The following DEAF1 variants were observed in gnomAD, a reference collection of about 807,000 sequenced individuals.
DEAF1 encodes the protein deformed epidermal autoregulatory factor 1 homolog.
DEAF1 carries 53 observed loss-of-function variants against 58.9 expected under a neutral mutation model. That is an observed-to-expected ratio of 0.90 (90% CI 0.72 to 1.13). The LOEUF (loss-of-function observed/expected upper bound fraction) is 1.13. DEAF1 is among the 50% of genes most tolerant of loss of function. The pLI is 0.00. For synonymous variants in DEAF1, 385 were observed against 340.4 expected (o/e 1.13, Z -1.44); for missense variants, 685 against 791.4 (o/e 0.87, Z 1.61).
upstream of DEAF1, chr11:699,045 A>T: frequency 1.2e-6 from 1 of 862,018 alleles, no homozygotes; most frequent in East Asian, 2.6e-5. Context: ...GAGTTGATGT[A>T]ACTTCCTCGG....
At position 675,815 on chromosome 11, in the gene DEAF1, A is replaced by C. The variant is rs569138275; in HGVS notation, c.1256-1032T>G. The stretch of plus-strand genomic sequence containing the variant: ...AGCCTGGGTGACAGAGTGAGACTCC[A>C]TCTCAAAAAAGAAAAGAAAAGAAAA... On this transcript the variant is annotated intron_variant, in intron 9 of 11. Coordinates refer to ENST00000382409, the MANE Select transcript of DEAF1 (RefSeq NM_021008.4). Among the ~76,000 whole-genome samples the C allele has an allele frequency of 1.0e-3, 158 of 152,140 alleles. 1 individual carries two copies. Among genetic ancestry groups the C allele is most frequent in the African/African-American group, 3.5e-3 (144 of 41,480 alleles).
chr11:663,981 G>T (rs113539733), intron 10 of DEAF1, among the ~76,000 whole-genome samples: 1 of 152,226 alleles, frequency 6.6e-6, no homozygotes, highest in African/African-American at 2.4e-5. Flanking sequence ...GGGAGGCTGA[G>T]GTGGGCGGAT....
intron 1 of DEAF1, chr11:701,097 C>T (rs894710748): frequency 1.2e-4 from 29 of 238,380 alleles, no homozygotes; most frequent in Non-Finnish European, 1.9e-4. Flanking sequence ...TGCCAGGTCC[C>T]AAAAGGCAGC....
At chr11:655,718 A>G (rs1859017015) in intron 10 of DEAF1, among the ~76,000 whole-genome samples, 1 of 151,928 alleles carries the variant, frequency 6.6e-6, no homozygotes, top group South Asian at 2.1e-4. Flanking sequence ...ACATTTTTCC[A>G]GTTGTAAGAC....
Position 704,526 on chromosome 11 carries a change from G to A in DEAF1, c.-438+2046C>T, listed in dbSNP as rs182094319. The A allele has an allele frequency of 5.0e-3, 6,488 of 1,289,406 alleles. 27 individuals are homozygous for A. The highest frequency in any genetic ancestry group is 6.0e-3 in the Non-Finnish European group (5,965 of 988,842). 79.9% of individuals were successfully genotyped at this position (1,289,406 alleles called of 1,614,324 possible). On this transcript the variant is annotated intron_variant, in intron 1 of 11. Coordinates refer to the DEAF1 transcript ENST00000683307. ...GCCTCGGGCCACCTCCCTCACCAGC[G>A]CCTGCACTCGCAGAAGACCAGCTGG...
chr11:688,343 G>C lies in DEAF1; in HGVS notation c.505C>G (p.Pro169Ala). 8.1e-6 allele frequency: 13 copies of C among 1,613,680 alleles called. No homozygotes were observed. The highest frequency in any genetic ancestry group is 1.0e-5 in the Non-Finnish European group (12 of 1,179,996). ...GGCACCGCTGTACCTGGGGTGAGGG[G>C]AGCTGCCGGGCCTTTCAGCCCGGTG... is the stretch of plus-strand genomic sequence containing the variant. ...ETTGLKGPAA[P>A]LTPGPQSPPT... The change falls in exon 3 of 12, where the codon CCC (proline) becomes GCC (alanine). Residue 169 changes from proline (P) to alanine (A), a missense_variant. By Grantham distance (27) the Pro-to-Ala change is conservative. Coordinates refer to ENST00000382409, the MANE Select transcript of DEAF1 (RefSeq NM_021008.4). This position sits in a 1 kb window ranked among gnomAD's most constrained non-coding sequence, Gnocchi z 4.3.
chr11:700,586 T>TA (rs1257933130), intron 1 of DEAF1: 1 of 1,589,768 alleles, frequency 6.3e-7, no homozygotes, highest in African/African-American at 1.3e-5. Flanking sequence ...CCAGGTTACT[T>TA]ATGTTCCGTC....
chr11:678,647 A>G lies in DEAF1; in HGVS notation c.1255+47T>C, dbSNP rs200227273. On this transcript the variant is annotated intron_variant, in intron 9 of 11. Coordinates refer to ENST00000382409, the MANE Select transcript of DEAF1 (RefSeq NM_021008.4). ...CTTAGGAATTCTTTCATTGGAAGCA[A>G]TTCTGAGGACAATAACCTGTACATG... 849 of 1,612,680 alleles carry G rather than the reference A, an allele frequency of 5.3e-4. 2 individuals are homozygous for G. Among genetic ancestry groups the G allele is most frequent in the Non-Finnish European group, 6.5e-4 (766 of 1,179,158 alleles).
upstream of DEAF1, chr11:695,832 C>T (rs1033225975): frequency 1.3e-4 from 156 of 1,230,160 alleles, no homozygotes; most frequent in Admixed American, 5.1e-4. Context: ...GGTAAGATGG[C>T]GGCCCCGCGG....
In DEAF1 at chr11:688,401, A is replaced by T; in HGVS notation, c.447T>A (p.Ile149=). ...CGATGCTCCCATCTGTGTGGACGAC[A>T]ATCAGTGTCGCTTTTTCGGTGTTCA... ...DSLNTEKATL[I]VVHTDGSIVE... is the part of the protein sequence containing the mutation. The change falls in exon 3 of 12, where the codon ATT becomes ATA. Residue 149 remains isoleucine (I), a synonymous_variant. Coordinates refer to ENST00000382409, the MANE Select transcript of DEAF1 (RefSeq NM_021008.4). The surrounding 1 kb of genome is among the most constrained non-coding windows in gnomAD (Gnocchi z 4.3). 6.2e-7 allele frequency: 1 copy of T among 1,613,948 alleles called. No homozygotes were observed. Among genetic ancestry groups the T allele is most frequent in the East Asian group, 2.2e-5 (1 of 44,864 alleles).
chr11:651,891 C>A (rs1481944176), intron 11 of DEAF1, among the ~76,000 whole-genome samples: 1 of 152,072 alleles, frequency 6.6e-6, no homozygotes, highest in African/African-American at 2.4e-5. Context: ...GTCTCAAAAA[C>A]AAAAACAAAA....
At chr11:700,284 T>G (rs748410821) in intron 1 of DEAF1, 1 of 1,546,052 alleles carries the variant, frequency 6.5e-7, no homozygotes, top group Non-Finnish European at 8.9e-7. Context: ...CCCAACATTT[T>G]GGGAGGCTGA....
In DEAF1 at chr11:681,556, G is replaced by A. The variant is rs566848599; in HGVS notation, c.871-467C>T. On this transcript the variant is annotated intron_variant, in intron 6 of 11. Coordinates refer to ENST00000382409, the MANE Select transcript of DEAF1 (RefSeq NM_021008.4). ...CTCCCGAGTAGCTGGGACTACAGGC[G>A]CCCGCCACCAAGCCTGGCTAGTGTT... 9.2e-5 allele frequency among the ~76,000 whole-genome samples: 14 copies of A among 151,874 alleles called. No homozygotes were observed. In the South Asian group the frequency reaches 2.1e-3, roughly 23 times the overall value.
rs35325757 is a variant in DEAF1 at position 671,826 on chromosome 11, T to TA, written c.1503+2709dup. On this transcript the variant is annotated intron_variant, in intron 10 of 11. Transcript: ENST00000382409. ...GGCAACAGAGTGAGACCTTACCTCT[T>TA]AAAAAAAAAAAAAAAAAAAAAAAGA... Among the ~76,000 whole-genome samples, 270 of 63,520 alleles carry TA rather than the reference T, an allele frequency of 4.3e-3. 1 individual carries two copies. Among genetic ancestry groups the TA allele is most frequent in the African/African-American group, 0.01 (150 of 14,380 alleles). The allele number at this position is 63,520 out of a possible 152,430, so 41.7% of individuals were successfully genotyped here. A position where few individuals can be genotyped will look rare whatever the true frequency, so the allele number is the denominator to read the frequency against.
chr11:679,544 A>G (rs1400714648), intron 8 of DEAF1, 144 bp downstream of exon 8: 5 of 1,303,938 alleles, frequency 3.8e-6, no homozygotes, highest in African/African-American at 1.4e-5. Flanking sequence ...CGTGGCTCAC[A>G]CGCTGTCCCC....
At chr11:703,344 G>C (rs772322786) in intron 1 of DEAF1, 478 of 1,398,954 alleles carry the variant, frequency 3.4e-4, no homozygotes, top group Non-Finnish European at 4.0e-4. Context: ...TGGAGGCCCT[G>C]GTGTTGGGAA....
chr11:675,165 ACAG>A (rs1316841674), intron 9 of DEAF1, among the ~76,000 whole-genome samples: 2 of 39,864 alleles, frequency 5.0e-5, no homozygotes, highest in Non-Finnish European at 1.5e-4. Context: ...AGCCTGGGCA[ACAG>A]AGTGAGACTC....
chr11:699,047 C>G, upstream of DEAF1: 1 of 848,244 alleles, frequency 1.2e-6, no homozygotes, highest in African/African-American at 1.7e-5. Flanking sequence ...GTTGATGTAA[C>G]TTCCTCGGAT....
intron 6 of DEAF1, among the ~76,000 whole-genome samples, chr11:681,300 T>A (rs1398762341): frequency 6.6e-6 from 1 of 152,142 alleles, no homozygotes; most frequent in Non-Finnish European, 1.5e-5. Flanking sequence ...AGTGGCGCCA[T>A]CTTGGCTTAC....
Sources: allele counts gnomAD v4.1 joint callset (sites outside exome capture counted in the v4.1 genomes callset), GRCh38; gene constraint gnomAD v4.1.1; non-coding constraint Gnocchi (gnomAD v3.1); transcripts MANE v1.5; gene names NCBI Gene and HGNC (gene_info 2026-07-23, HGNC 2026-07-21).